SERPINI2: variants seen among roughly 807,000 people sequenced by gnomAD.
SERPINI2 encodes the protein serpin I2.
A neutral mutation model predicts 47.3 loss-of-function variants in SERPINI2; 48 were observed. The observed-to-expected ratio is 1.02, with a 90% CI of 0.81 to 1.29. The LOEUF is 1.29. SERPINI2 is among the 50% of genes most tolerant of loss of function. SERPINI2 has a pLI of 0.00. For synonymous variants in SERPINI2, 135 were observed against 149.3 expected, an observed-to-expected ratio of 0.90 and a Z score of 0.70; for missense variants, 448 against 456.9, an observed-to-expected ratio of 0.98 and a Z score of 0.18.
chr3:167,448,235 C>G (rs958450729), intron 7 of SERPINI2, among the ~76,000 whole-genome samples: 1 of 152,154 alleles, frequency 6.6e-6, no homozygotes, highest in Non-Finnish European at 1.5e-5. Context: ...AATGTACATA[C>G]AAATTTCCTA....
At chr3:167,449,707 G>C (rs1415143994) in intron 6 of SERPINI2, among the ~76,000 whole-genome samples, 1 of 148,938 alleles carries the variant, frequency 6.7e-6, no homozygotes, top group Non-Finnish European at 1.5e-5. Flanking sequence ...TTGGCCAGGT[G>C]GTCCCGAACT....
intron 7 of SERPINI2, chr3:167,447,040 T>C (rs972508378): frequency 6.6e-6 from 1 of 152,166 alleles, no homozygotes; most frequent in Non-Finnish European, 1.5e-5. Context: ...TTACTTTCTA[T>C]GATTATTTAT....
intron 5 of SERPINI2, among the ~76,000 whole-genome samples, chr3:167,457,830 G>A (rs577017176): frequency 1.2e-4 from 19 of 152,314 alleles, no homozygotes; most frequent in African/African-American, 4.6e-4. Context: ...ATGCTTGTAT[G>A]ATATTGCATG....
intron 7 of SERPINI2, among the ~76,000 whole-genome samples, chr3:167,448,818 G>A (rs902935491): frequency 5.3e-5 from 8 of 151,490 alleles, no homozygotes; most frequent in East Asian, 3.9e-4. Flanking sequence ...CACCGCGCCC[G>A]GTTGACTGGG....
At chr3:167,475,723 C>CGGGGGGG (rs141289108), upstream of SERPINI2, among the ~76,000 whole-genome samples, 1 of 139,652 alleles carries the variant, frequency 7.2e-6, no homozygotes, top group African/African-American at 2.6e-5. Context: ...CCTAGAAAAT[C>CGGGGGGG]GGGGTGGGGG....
chr3:167,451,380 A>G (rs1280701121), intron 6 of SERPINI2, among the ~76,000 whole-genome samples: 1 of 152,258 alleles, frequency 6.6e-6, no homozygotes, highest in African/African-American at 2.4e-5. Flanking sequence ...TTTCACACAG[A>G]TGTCCCATAA....
Position 167,471,884 on chromosome 3 carries a change from G to A in SERPINI2, c.-10-40C>T, listed in dbSNP as rs192284524. On this transcript the variant is annotated intron_variant, in intron 1 of 8. Coordinates refer to ENST00000264677, the Ensembl canonical transcript of SERPINI2. ...TCAAAATATATTCATTTTCAAAATA[G>A]AGTTTTCCACAGAGAGCTCAACAGA... 2.8e-4 allele frequency: 431 copies of A among 1,514,470 alleles called. 1 individual carries two copies. In the Middle Eastern group the frequency reaches 8.3e-3, roughly 29 times the overall value. The allele number at this position is 1,514,470 out of a possible 1,614,324, so 93.8% of individuals were successfully genotyped here.
intron 7 of SERPINI2, among the ~76,000 whole-genome samples, chr3:167,448,639 C>T (rs1028118434): frequency 6.6e-6 from 1 of 152,174 alleles, no homozygotes; most frequent in African/African-American, 2.4e-5. Context: ...TCTCCTGCCT[C>T]AGCCTCCCGA....
At chr3:167,454,507 A>G (rs1749732735) in intron 5 of SERPINI2, among the ~76,000 whole-genome samples, 1 of 152,170 alleles carries the variant, frequency 6.6e-6, no homozygotes, top group Admixed American at 6.5e-5. Context: ...TGTTTTTATT[A>G]CCACAGTCTT....
At chr3:167,471,556 C>T in intron 2 of SERPINI2, 32 bp downstream of exon 2, 1 of 1,598,412 alleles carries the variant, frequency 6.3e-7, no homozygotes. Flanking sequence ...CATATCTTAT[C>T]CAGTATAAGT....
At chr3:167,465,751 G>A in intron 3 of SERPINI2, 78 bp from the exon 4 acceptor site, 1 of 1,269,242 alleles carries the variant, frequency 7.9e-7, no homozygotes, top group Non-Finnish European at 1.1e-6. Context: ...TAGAATTAAA[G>A]CAAAAGTGTC....
At chr3:167,458,651 C>T (rs1749882416) in intron 5 of SERPINI2, among the ~76,000 whole-genome samples, 1 of 152,134 alleles carries the variant, frequency 6.6e-6, no homozygotes, top group African/African-American at 2.4e-5. Flanking sequence ...TATTGCTTTA[C>T]ATCTGTCCCA....
chr3:167,453,037 T>A lies in SERPINI2; in HGVS notation c.867-4A>T. On this transcript the variant is annotated splice_region_variant and splice_polypyrimidine_tract_variant and intron_variant, in intron 5 of 8. Coordinates refer to ENST00000264677, the Ensembl canonical transcript of SERPINI2. ...TACTTTTTGTTCTACTTTAAATCTG[T>A]TATTAAAAAAAAAAGAAAAAGAAAA... 6.7e-7 allele frequency: 1 copy of A among 1,500,932 alleles called. No individual in the cohort carries two copies. The highest frequency in any genetic ancestry group is 9.0e-7 in the Non-Finnish European group (1 of 1,106,018). 93.0% of individuals were successfully genotyped at this position (1,500,932 alleles called of 1,614,324 possible). A position where few individuals can be genotyped will look rare whatever the true frequency, so the allele number is the denominator to read the frequency against.
chr3:167,452,752 C>G (rs1303751725), intron 6 of SERPINI2, among the ~76,000 whole-genome samples, 184 bp downstream of exon 6: 1 of 152,022 alleles, frequency 6.6e-6, no homozygotes, highest in Non-Finnish European at 1.5e-5. Context: ...TTTTGACTTT[C>G]ATTAAGAAAA....
chr3:167,451,918 T>C (rs1429579927), intron 6 of SERPINI2, among the ~76,000 whole-genome samples: 1 of 152,194 alleles, frequency 6.6e-6, no homozygotes. Context: ...ATCTCATACC[T>C]AGTGCGGACA....
At chr3:167,473,035 G>T (rs1750382253) in intron 1 of SERPINI2, among the ~76,000 whole-genome samples, 2 of 151,494 alleles carry the variant, frequency 1.3e-5, no homozygotes, top group Non-Finnish European at 1.5e-5. Context: ...ATCATTAAGG[G>T]TACCATAAAT....
chr3:167,461,193 G>A (rs939787634), intron 5 of SERPINI2, among the ~76,000 whole-genome samples: 2 of 152,022 alleles, frequency 1.3e-5, no homozygotes, highest in African/African-American at 4.8e-5. Flanking sequence ...AGAATTCAGA[G>A]AAGACAATGT....
upstream of SERPINI2, among the ~76,000 whole-genome samples, chr3:167,475,204 A>C (rs1392917455): frequency 2.6e-5 from 4 of 151,816 alleles, no homozygotes; most frequent in Non-Finnish European, 4.4e-5. Context: ...GTGTAGCTTT[A>C]ACTTAACACA....
chr3:167,465,724 A>G (rs1425315094), intron 3 of SERPINI2, 51 bp from the exon 4 acceptor site: 1 of 1,477,454 alleles, frequency 6.8e-7, no homozygotes, highest in Admixed American at 2.1e-5. Context: ...ATAGTGATTC[A>G]GTGGAATTGC....
Sources: allele counts gnomAD v4.1 joint callset (sites outside exome capture counted in the v4.1 genomes callset), GRCh38; gene constraint gnomAD v4.1.1; transcripts MANE v1.5; gene names NCBI Gene and HGNC (gene_info 2026-07-23, HGNC 2026-07-21).